ACTR3B: variants seen among roughly 807,000 people sequenced by gnomAD.
The protein encoded by ACTR3B is actin related protein 3B.
Under a neutral mutation model 59.0 loss-of-function variants are expected in ACTR3B, and 8 were observed. The observed-to-expected ratio is 0.14, with a 90% CI of 0.08 to 0.24. The LOEUF (loss-of-function observed/expected upper bound fraction) is 0.24, where lower values mean the gene tolerates loss of function less well. Ranked by LOEUF, ACTR3B falls within the 10% of genes least tolerant of loss-of-function variation. The pLI, the probability that ACTR3B is intolerant of heterozygous loss-of-function variation, is 1.00. For missense variants in ACTR3B, 245 were observed against 552.3 expected (o/e 0.44, Z 5.58); for synonymous variants, 148 against 197.9 (o/e 0.75, Z 2.12).
Position 152,795,611 on chromosome 7 carries a change from A to G in ACTR3B, c.101-4920A>G, listed in dbSNP as rs187016243. ...GGGTAAATGCTTTAGCTCACAAACA[A>G]AAGATTAGCTTTTACTTTTATTATG... is the stretch of plus-strand genomic sequence containing the variant. On this transcript the variant is annotated intron_variant, in intron 2 of 11. Transcript: ENST00000256001. 4.5e-4 allele frequency among the ~76,000 whole-genome samples: 68 copies of G among 152,366 alleles called. 1 individual carries two copies. Among genetic ancestry groups the G allele is most frequent in the African/African-American group, 1.5e-3 (64 of 41,592 alleles).
At chr7:152,812,647 C>G (rs868442240) in intron 4 of ACTR3B, 4 of 141,354 alleles carry the variant, frequency 2.8e-5, no homozygotes, top group African/African-American at 7.5e-5. Context: ...TCCATCATCT[C>G]AAATATTAGA....
At chr7:152,833,851 A>G (rs1210791796) in intron 9 of ACTR3B, among the ~76,000 whole-genome samples, 1 of 152,102 alleles carries the variant, frequency 6.6e-6, no homozygotes, top group Admixed American at 6.6e-5. Context: ...TTTATTTGGC[A>G]TCATAAAATA....
Position 152,825,036 on chromosome 7 carries a change from A to C in ACTR3B, c.865A>C (p.Asn289His). ...PEIFFHPEFA[N>H]PDFMESISDV... is the part of the protein sequence containing the mutation. ...ATATTGATACACAATTCAGTTTGCC[A>C]ACCCAGACTTTATGGAGTCCATCTC... The change falls in exon 9 of 12, where the codon AAC (asparagine) becomes CAC (histidine). Residue 289 changes from asparagine (N) to histidine (H), a missense_variant. Physicochemically the swap from Asn to His is moderately conservative, Grantham distance 68 (BLOSUM62 1). This residue lies in a region of ACTR3B where 153 missense variants were observed against 266.2 expected (regional missense o/e 0.57). Transcript: ENST00000256001. 6.2e-7 allele frequency: 1 copy of C among 1,612,938 alleles called. No individual in the cohort carries two copies. The highest frequency in any genetic ancestry group is 8.5e-7 in the Non-Finnish European group (1 of 1,179,542).
chr7:152,853,603 T>C, intron 11 of ACTR3B, 26 bp downstream of exon 11: 1 of 1,596,084 alleles, frequency 6.3e-7, no homozygotes, highest in Non-Finnish European at 8.6e-7. Context: ...GAGGGCTCTG[T>C]GTCTCCATTC....
chr7:152,834,918 G>A (rs1230035630), intron 9 of ACTR3B, among the ~76,000 whole-genome samples: 1 of 152,190 alleles, frequency 6.6e-6, no homozygotes, highest in Non-Finnish European at 1.5e-5. Flanking sequence ...AGTGGGCTGT[G>A]GGAGGGAATG....
intron 1 of ACTR3B, among the ~76,000 whole-genome samples, chr7:152,779,638 G>A (rs1458541189): frequency 2.0e-5 from 3 of 152,118 alleles, no homozygotes; most frequent in African/African-American, 4.8e-5. Context: ...TTTTGGTCCT[G>A]CTCTTCATGG....
chr7:152,854,044 T>C lies in ACTR3B; in HGVS notation c.1162-414T>C, dbSNP rs1799061272. Among the ~76,000 whole-genome samples the C allele has an allele frequency of 6.6e-6, 1 of 152,190 alleles. No individual in the cohort carries two copies. The highest frequency in any genetic ancestry group is 6.5e-5 in the Admixed American group (1 of 15,282). On this transcript the variant is annotated intron_variant, in intron 11 of 11. Transcript: ENST00000256001. This position sits in a 1 kb window ranked among gnomAD's most constrained non-coding sequence, Gnocchi z 4.9. ...TGCCCGGCCCGATATAAACTATATC[T>C]TAATAATCACACAACACATTTATCA... is the stretch of plus-strand genomic sequence containing the variant.
chr7:152,772,457 C>G (rs182622519), intron 1 of ACTR3B, among the ~76,000 whole-genome samples: 248 of 152,236 alleles, frequency 1.6e-3, no homozygotes, highest in African/African-American at 5.7e-3. Flanking sequence ...TCTAAGAGTT[C>G]AAGGTTACAG....
intron 9 of ACTR3B, among the ~76,000 whole-genome samples, chr7:152,832,560 T>G (rs1324880501): frequency 6.6e-6 from 1 of 152,158 alleles, no homozygotes; most frequent in East Asian, 1.9e-4. Flanking sequence ...CTTTTTCTTT[T>G]AAGAGATGGG....
rs1796197407 is a variant in ACTR3B, at chr7:152,821,884, T to C, written c.684+1442T>C. Among the ~76,000 whole-genome samples, 3 of 152,364 alleles carry C rather than the reference T, an allele frequency of 2.0e-5. No individual in the cohort carries two copies. The South Asian group carries it at 6.2e-4, about 32-fold the overall frequency. The stretch of plus-strand genomic sequence containing the variant: ...GGCCTTCTGTGGTTGTGAACAGGCC[T>C]GAGGGAGTGTGTAACGTGAGCACAC... On this transcript the variant is annotated intron_variant, in intron 7 of 11. Coordinates refer to ENST00000256001, the MANE Select transcript of ACTR3B (RefSeq NM_020445.6).
intron 1 of ACTR3B, among the ~76,000 whole-genome samples, chr7:152,764,514 G>GCACACT: frequency 6.6e-6 from 1 of 151,882 alleles, no homozygotes; most frequent in Non-Finnish European, 1.5e-5. Flanking sequence ...CACACTGGTG[G>GCACACT]GCTAATTTTA....
intron 1 of ACTR3B, among the ~76,000 whole-genome samples, chr7:152,778,925 A>T: frequency 8.0e-6 from 1 of 124,246 alleles, no homozygotes; most frequent in Admixed American, 1.0e-4. Flanking sequence ...CCTGGGTGAC[A>T]GAGTGAGACT....
intron 9 of ACTR3B, among the ~76,000 whole-genome samples, chr7:152,844,383 GT>G (rs1162773024): frequency 6.6e-6 from 1 of 152,004 alleles, no homozygotes; most frequent in Non-Finnish European, 1.5e-5. Flanking sequence ...TAAATAAAAT[GT>G]TTTTTTAAAA....
At chr7:152,834,491 T>C (rs1797285771) in intron 9 of ACTR3B, among the ~76,000 whole-genome samples, 3 of 152,266 alleles carry the variant, frequency 2.0e-5, no homozygotes, top group South Asian at 2.1e-4. Flanking sequence ...TTCCCTTTTA[T>C]TTTCATGAAC....
intron 1 of ACTR3B, among the ~76,000 whole-genome samples, chr7:152,781,851 G>A (rs1186148726): frequency 6.6e-6 from 1 of 152,084 alleles, no homozygotes; most frequent in African/African-American, 2.4e-5. Flanking sequence ...ACTTGGCCTT[G>A]TACTCTGTTT....
At chr7:152,807,695 A>G (rs1364306180) in intron 4 of ACTR3B, among the ~76,000 whole-genome samples, 1 of 152,162 alleles carries the variant, frequency 6.6e-6, no homozygotes, top group Non-Finnish European at 1.5e-5. Flanking sequence ...AAAATTTGCC[A>G]TATGCTTTAC....
intron 9 of ACTR3B, among the ~76,000 whole-genome samples, chr7:152,847,927 C>T (rs1798486417): frequency 6.6e-6 from 1 of 152,182 alleles, no homozygotes; most frequent in African/African-American, 2.4e-5. Flanking sequence ...CTTCTAATGG[C>T]TCGCGGTGCA....
chr7:152,807,420 C>T (rs2098255697), intron 4 of ACTR3B, among the ~76,000 whole-genome samples: 1 of 151,548 alleles, frequency 6.6e-6, no homozygotes, highest in African/African-American at 2.4e-5. Flanking sequence ...GTAGGTATTT[C>T]CTGCTTAGCA....
intron 2 of ACTR3B, among the ~76,000 whole-genome samples, chr7:152,799,482 TAGC>T (rs753414497): frequency 1.1e-4 from 16 of 152,214 alleles, no homozygotes; most frequent in Non-Finnish European, 2.1e-4. Context: ...AGGAAACACT[TAGC>T]AGAGTGTTCA....
Sources: allele counts gnomAD v4.1 joint callset (sites outside exome capture counted in the v4.1 genomes callset), GRCh38; gene constraint gnomAD v4.1.1; regional missense constraint gnomAD v4.1.1; non-coding constraint Gnocchi (gnomAD v3.1); transcripts MANE v1.5; gene names NCBI Gene and HGNC (gene_info 2026-07-23, HGNC 2026-07-21).